Variants in CENPN observed in about 807,000 individuals in gnomAD.
The protein encoded by CENPN is interphase centromere complex protein 32.
CENPN carries 36 observed loss-of-function variants against 48.6 expected under a neutral mutation model. The ratio of observed to expected loss-of-function variants is 0.74; its 90% CI spans 0.57 to 0.98. The LOEUF (loss-of-function observed/expected upper bound fraction) is 0.98. CENPN is among the 50% of genes least tolerant of loss of function. The pLI, the probability that CENPN is intolerant of heterozygous loss-of-function variation, is 0.00. For synonymous variants in CENPN, 166 were observed against 135.2 expected, an observed-to-expected ratio of 1.23 and a Z score of -1.58; for missense variants, 439 against 399.2, an observed-to-expected ratio of 1.10 and a Z score of -0.85.
intron 1 of CENPN, among the ~76,000 whole-genome samples, chr16:81,008,411 G>A (rs1324560185): frequency 1.3e-5 from 2 of 151,768 alleles, no homozygotes; most frequent in African/African-American, 4.8e-5. Context: ...TTGCTTTGTC[G>A]CCCATGTTGG....
At chr16:81,014,820 A>G (rs78895138) in intron 3 of CENPN, among the ~76,000 whole-genome samples, 33,395 of 152,162 alleles carry the variant, frequency 0.22, 3,854 homozygotes, top group East Asian at 0.36. Context: ...AAAATTTTCA[A>G]CTAGTATGAA....
intron 8 of CENPN, among the ~76,000 whole-genome samples, chr16:81,025,103 A>G (rs1970404761): frequency 6.6e-6 from 1 of 151,920 alleles, no homozygotes; most frequent in Non-Finnish European, 1.5e-5. Context: ...AGTCCTGTGA[A>G]TAAGCGCCAT....
chr16:81,016,532 T>A (rs570577106), intron 3 of CENPN, among the ~76,000 whole-genome samples: 23 of 151,956 alleles, frequency 1.5e-4, no homozygotes, highest in Non-Finnish European at 2.9e-4. Flanking sequence ...GAGGCCAAGG[T>A]AGGTGGATCA....
intron 5 of CENPN, among the ~76,000 whole-genome samples, chr16:81,019,155 A>G (rs55664147): frequency 0.035 from 5,396 of 152,276 alleles, 323 homozygotes; most frequent in African/African-American, 0.12. Flanking sequence ...CCATTATTAC[A>G]TAGAAATCTT....
chr16:81,008,399 T>A (rs3759933), intron 1 of CENPN, among the ~76,000 whole-genome samples: 22,586 of 151,734 alleles, frequency 0.15, 1,785 homozygotes, highest in Admixed American at 0.2. Context: ...TGAGACGGAG[T>A]CTTGCTTTGT....
chr16:81,030,034 G>A lies in CENPN; in HGVS notation c.*1383G>A, dbSNP rs983792533. Among the ~76,000 whole-genome samples, 1 of 152,118 alleles carries A rather than the reference G, an allele frequency of 6.6e-6. No individual in the cohort carries two copies. Among genetic ancestry groups the A allele is most frequent in the Non-Finnish European group, 1.5e-5 (1 of 68,040 alleles). On this transcript the variant is annotated 3_prime_UTR_variant, in exon 11 of 11. Coordinates refer to ENST00000305850, the MANE Select transcript of CENPN (RefSeq NM_001100624.3). Reference sequence around the variant, plus strand: ...GCGGCAGGCAAGAGAGCTTGTGCAGGGAAACTCCCATTTATAAAACCACCA... The same window carrying A: ...GCGGCAGGCAAGAGAGCTTGTGCAGAGAAACTCCCATTTATAAAACCACCA...
intron 1 of CENPN, among the ~76,000 whole-genome samples, chr16:81,008,357 C>T (rs927203186): frequency 1.3e-5 from 2 of 152,004 alleles, no homozygotes; most frequent in African/African-American, 4.8e-5. Flanking sequence ...GTAGCCTCGT[C>T]TGTGGGTTTT....
intron 1 of CENPN, 134 bp from the exon 2 acceptor site, chr16:81,011,796 A>C (rs1943006056): frequency 1.5e-6 from 1 of 660,660 alleles, no homozygotes; most frequent in Non-Finnish European, 2.5e-6. Flanking sequence ...TGAGCCTAAG[A>C]GTTCAAGACC....
chr16:81,022,195 A>G (rs895488046), intron 6 of CENPN: 5 of 228,340 alleles, frequency 2.2e-5, no homozygotes, highest in East Asian at 1.3e-4. Context: ...GCTGTATTCA[A>G]TACACACTTA....
At chr16:81,014,535 T>G (rs1011000040) in intron 3 of CENPN, 1 of 206,828 alleles carries the variant, frequency 4.8e-6, no homozygotes, top group Non-Finnish European at 9.7e-6. Flanking sequence ...GAAGCAATTT[T>G]GTATATAACG....
Position 81,029,446 on chromosome 16 carries a change from C to A in CENPN, c.*795C>A. 3.1e-6 allele frequency: 1 copy of A among 320,108 alleles called. No individual in the cohort carries two copies. The highest frequency in any genetic ancestry group is 4.5e-6 in the Non-Finnish European group (1 of 221,770). The allele number at this position is 320,108 out of a possible 1,614,324, so 19.8% of individuals were successfully genotyped here. A position where few individuals can be genotyped will look rare whatever the true frequency, so the allele number is the denominator to read the frequency against. ...ACAGGGTCTCACTGTGTCACCCAAGCTGGAGTGCAGTGGCATGATCATGGC... is the reference window on the plus strand; with the variant it reads ...ACAGGGTCTCACTGTGTCACCCAAGATGGAGTGCAGTGGCATGATCATGGC... On this transcript the variant is annotated 3_prime_UTR_variant, in exon 11 of 11. Coordinates refer to ENST00000305850, the MANE Select transcript of CENPN (RefSeq NM_001100624.3).
At chr16:81,022,322 C>T (rs184002146) in intron 6 of CENPN, 3 of 365,186 alleles carry the variant, frequency 8.2e-6, no homozygotes, top group Non-Finnish European at 1.0e-5. Context: ...ATTGTTTATT[C>T]CAAAGTCTGA....
downstream of CENPN, chr16:81,032,430 C>G: frequency 1.3e-6 from 1 of 753,876 alleles, no homozygotes; most frequent in Non-Finnish European, 2.2e-6. Flanking sequence ...GGTATATAAG[C>G]GTCCACACCC....
intron 9 of CENPN, 104 bp from the exon 10 acceptor site, chr16:81,028,067 T>G: frequency 9.9e-7 from 1 of 1,013,902 alleles, no homozygotes. Flanking sequence ...CCTGTATTTC[T>G]TAATGGCAAG....
chr16:81,030,549 G>A lies in CENPN; in HGVS notation c.*1898G>A, dbSNP rs1489748617. Reference sequence around the variant, plus strand: ...AGATCACCCGAGGTCAGGAGTTCGAGACCAGCCTAGCCAACATGGCAAAAC... The same window carrying A: ...AGATCACCCGAGGTCAGGAGTTCGAAACCAGCCTAGCCAACATGGCAAAAC... On this transcript the variant is annotated 3_prime_UTR_variant, in exon 11 of 11. Transcript: ENST00000305850. The A allele has an allele frequency of 1.9e-5, 5 of 258,042 alleles. No individual in the cohort carries two copies. The highest frequency in any genetic ancestry group is 3.0e-5 in the Non-Finnish European group (5 of 165,264). 16.0% of individuals were successfully genotyped at this position (258,042 alleles called of 1,614,324 possible). A position where few individuals can be genotyped will look rare whatever the true frequency, so the allele number is the denominator to read the frequency against.
Position 81,029,074 on chromosome 16 carries a change from G to A in CENPN, c.*423G>A. On this transcript the variant is annotated 3_prime_UTR_variant, in exon 11 of 11. Coordinates refer to ENST00000305850, the MANE Select transcript of CENPN (RefSeq NM_001100624.3). The stretch of plus-strand genomic sequence containing the variant: ...CTTAAGCTCTGGATCACAGAGAGAA[G>A]CAACAAGGAACTATACTCAACTCAA... 1 of 987,126 alleles carries A rather than the reference G, an allele frequency of 1.0e-6. No homozygotes were observed. Among genetic ancestry groups the A allele is most frequent in the Non-Finnish European group, 1.2e-6 (1 of 831,234 alleles). 61.1% of individuals were successfully genotyped at this position (987,126 alleles called of 1,614,324 possible). A position where few individuals can be genotyped will look rare whatever the true frequency, so the allele number is the denominator to read the frequency against.
At chr16:81,032,696 A>G (rs1274578742), downstream of CENPN, 2 of 1,598,636 alleles carry the variant, frequency 1.3e-6, no homozygotes, top group Non-Finnish European at 8.5e-7. Context: ...AGATGTTAAA[A>G]TCATGATGTC....
At chr16:81,022,940 A>C in intron 7 of CENPN, 10 of 1,478,252 alleles carry the variant, frequency 6.8e-6, no homozygotes, top group African/African-American at 1.4e-5. Flanking sequence ...TGTAGATCTC[A>C]GCTTCCAAAT....
At chr16:81,021,844 C>A (rs1970223659) in intron 6 of CENPN, among the ~76,000 whole-genome samples, 1 of 151,832 alleles carries the variant, frequency 6.6e-6, no homozygotes, top group Admixed American at 6.6e-5. Context: ...ACCCTCCACC[C>A]CCAAGGTTCA....
Sources: allele counts gnomAD v4.1 joint callset (sites outside exome capture counted in the v4.1 genomes callset), GRCh38; gene constraint gnomAD v4.1.1; transcripts MANE v1.5; gene names NCBI Gene and HGNC (gene_info 2026-07-23, HGNC 2026-07-21).